The following KIAA1549 variants were observed in gnomAD, a reference collection of about 807,000 sequenced individuals.
KIAA1549 encodes KIAA1549.
KIAA1549 carries 70 observed loss-of-function variants against 156.4 expected under a neutral mutation model. The ratio of observed to expected loss-of-function variants is 0.45; its 90% confidence interval spans 0.37 to 0.55. The LOEUF is 0.55. Ranked by LOEUF, KIAA1549 falls within the 20% of genes least tolerant of loss-of-function variation. The pLI is 0.00. For synonymous variants in KIAA1549, 1,103 were observed against 1,066.4 expected, an observed-to-expected ratio of 1.03 and a Z score of -0.67; for missense variants, 2,428 against 2,540.9, an observed-to-expected ratio of 0.96 and a Z score of 0.96.
At position 138,836,715 on chromosome 7, in the gene KIAA1549, C is replaced by G; in HGVS notation, c.*1191G>C. 1 of 217,988 alleles carries G rather than the reference C, an allele frequency of 4.6e-6. No individual in the cohort carries two copies. The highest frequency in any genetic ancestry group is 9.2e-6 in the Non-Finnish European group (1 of 108,436). The allele number at this position is 217,988 out of a possible 1,614,324, so 13.5% of individuals were successfully genotyped here. A position where few individuals can be genotyped will look rare whatever the true frequency, so the allele number is the denominator to read the frequency against. ...GCATAAGACAATTTTAATAGCCACT[C>G]GACAGAGTAACAGCACAATAAAATC... is the stretch of plus-strand genomic sequence containing the variant. On this transcript the variant is annotated 3_prime_UTR_variant, in exon 20 of 20. Transcript: ENST00000422774.
chr7:138,968,531 C>G (rs1435622835), intron 1 of KIAA1549, among the ~76,000 whole-genome samples: 1 of 152,042 alleles, frequency 6.6e-6, no homozygotes, highest in Non-Finnish European at 1.5e-5. Context: ...TCTAGTACAT[C>G]CCAAGTATAA....
At chr7:138,949,452 T>C (rs1339316204) in intron 1 of KIAA1549, among the ~76,000 whole-genome samples, 1 of 149,832 alleles carries the variant, frequency 6.7e-6, no homozygotes, top group Admixed American at 6.6e-5. Context: ...AAAAAATCAG[T>C]ATTTTTTTAA....
In KIAA1549 at chr7:138,834,585, G is replaced by C. The variant is rs1809647457; in HGVS notation, c.*3321C>G. 1 of 231,300 alleles carries C rather than the reference G, an allele frequency of 4.3e-6. No individual in the cohort carries two copies. Among genetic ancestry groups the C allele is most frequent in the African/African-American group, 2.2e-5 (1 of 45,248 alleles). 14.3% of individuals were successfully genotyped at this position (231,300 alleles called of 1,614,324 possible). The stretch of plus-strand genomic sequence containing the variant: ...GTCTGCTGGGTTATTTGGTGCCAGA[G>C]ACACCAGAAAGTCGGGAGCAGAAAG... On this transcript the variant is annotated 3_prime_UTR_variant, in exon 20 of 20. Coordinates refer to ENST00000422774, the MANE Select transcript of KIAA1549 (RefSeq NM_001164665.2).
intron 9 of KIAA1549, among the ~76,000 whole-genome samples, chr7:138,898,003 T>C (rs1197486348): frequency 6.9e-6 from 1 of 144,932 alleles, no homozygotes; most frequent in Non-Finnish European, 1.5e-5. Flanking sequence ...CAATTTTAAA[T>C]ACTCAAAATC....
rs1339867881 is a variant in KIAA1549, at chr7:138,917,202, C to G, written c.2424G>C (p.Leu808=). 1.2e-6 allele frequency: 2 copies of G among 1,613,908 alleles called. No homozygotes were observed. The highest frequency in any genetic ancestry group is 3.3e-5 in the Admixed American group (2 of 60,018). ...CACTGATTTGGTCGTCAGGAGGTGT[C>G]AGAGTTGAGAACAAAGAAGACTCAG... ...ILTESSLFST[L]TPPDDQISAL... The change falls in exon 2 of 20, where the codon CTG becomes CTC. Residue 808 remains leucine, a synonymous_variant. Transcript: ENST00000422774.
rs560872337 is a variant in KIAA1549 at position 138,833,198 on chromosome 7, G to A, written c.*4708C>T. On this transcript the variant is annotated 3_prime_UTR_variant, in exon 20 of 20. Coordinates refer to ENST00000422774, the MANE Select transcript of KIAA1549 (RefSeq NM_001164665.2). ...GAGCTAAAGTTAGCGTGGGAGTTAA[G>A]ACCGGAGTCCTCCTTCCCCTGTGCC... The A allele has an allele frequency of 8.6e-6, 2 of 232,686 alleles. No individual in the cohort carries two copies. Among genetic ancestry groups the A allele is most frequent in the East Asian group, 1.2e-4 (2 of 16,504 alleles). The allele number at this position is 232,686 out of a possible 1,614,324, so 14.4% of individuals were successfully genotyped here.
intron 10 of KIAA1549, among the ~76,000 whole-genome samples, chr7:138,882,445 C>T (rs887161852): frequency 4.4e-4 from 67 of 152,146 alleles, no homozygotes; most frequent in African/African-American, 1.2e-3. Context: ...ATTTCAAACA[C>T]GCTTAATTTG....
intron 1 of KIAA1549, among the ~76,000 whole-genome samples, chr7:138,946,401 G>A (rs1395565583): frequency 1.3e-5 from 2 of 152,120 alleles, no homozygotes; most frequent in African/African-American, 2.4e-5. Flanking sequence ...CTACTGTCGT[G>A]GTACAATTAC....
chr7:138,955,009 C>A (rs1813619868), intron 1 of KIAA1549, among the ~76,000 whole-genome samples: 1 of 152,140 alleles, frequency 6.6e-6, no homozygotes, highest in African/African-American at 2.4e-5. Context: ...GATTAAGTCC[C>A]CGCACACACA....
intron 16 of KIAA1549, among the ~76,000 whole-genome samples, chr7:138,860,859 T>G (rs914436223): frequency 6.6e-6 from 1 of 152,192 alleles, no homozygotes; most frequent in Non-Finnish European, 1.5e-5. Context: ...AGGAAGATGC[T>G]TCCATAAAAT....
At chr7:138,873,457 G>A (rs1384656669) in intron 12 of KIAA1549, among the ~76,000 whole-genome samples, 1 of 152,160 alleles carries the variant, frequency 6.6e-6, no homozygotes, top group East Asian at 1.9e-4. Context: ...AGACAGGCTA[G>A]CCCTGCTTAA....
intron 1 of KIAA1549, among the ~76,000 whole-genome samples, chr7:138,943,800 G>T (rs1400007424): frequency 6.6e-6 from 1 of 151,746 alleles, no homozygotes; most frequent in African/African-American, 2.4e-5. Context: ...AGTGAGCTGA[G>T]ATCGCACCAC....
chr7:138,871,267 G>A lies in KIAA1549; in HGVS notation c.4441C>T (p.Arg1481Trp), dbSNP rs776449063. Residue 1481 changes from arginine (R) to tryptophan (W), a missense_variant, in exon 13 of 20, where the codon CGG becomes TGG. Around this residue, in one of 5 missense-constraint regions of KIAA1549, gnomAD observed 404 missense variants for 417.0 expected, o/e 0.97. Coordinates refer to ENST00000422774, the MANE Select transcript of KIAA1549 (RefSeq NM_001164665.2). ...ATAAGCTGGATCTTACTGGGGACCC[G>A]CCGGCTAGCCTCCGGGGGGCGGGAG... ...RISRPPEASR[R>W]VPSKIQLIAM... 366 of 1,611,336 alleles carry A rather than the reference G, an allele frequency of 2.3e-4. 1 individual carries two copies. Among genetic ancestry groups the A allele is most frequent in the Non-Finnish European group, 2.7e-4 (323 of 1,178,928 alleles).
At chr7:138,965,117 C>T (rs967910537) in intron 1 of KIAA1549, among the ~76,000 whole-genome samples, 3 of 151,820 alleles carry the variant, frequency 2.0e-5, no homozygotes, top group South Asian at 4.2e-4. Flanking sequence ...ATTACGGAGG[C>T]GGTTGCTAAT....
At chr7:138,854,985 A>G (rs1810342949) in intron 16 of KIAA1549, among the ~76,000 whole-genome samples, 1 of 152,192 alleles carries the variant, frequency 6.6e-6, no homozygotes, top group Admixed American at 6.5e-5. Context: ...GGGGGAAACA[A>G]ACAAACAAAA....
intron 15 of KIAA1549, among the ~76,000 whole-genome samples, chr7:138,866,887 C>T (rs759345084): frequency 2.0e-5 from 3 of 152,164 alleles, no homozygotes; most frequent in African/African-American, 7.2e-5. Flanking sequence ...ACTGCAGCCT[C>T]GACCTCCTGG....
intron 18 of KIAA1549, among the ~76,000 whole-genome samples, chr7:138,841,891 T>TCA (rs1563044859): frequency 1.2e-5 from 1 of 82,262 alleles, no homozygotes; most frequent in Non-Finnish European, 2.4e-5. Flanking sequence ...TCAACCACAT[T>TCA]TAAAAAAAAA....
At position 138,869,570 on chromosome 7, in the gene KIAA1549, G is replaced by A. The variant is rs372552870; in HGVS notation, c.4743C>T (p.Ser1581=). Residue 1581 remains serine (S), a synonymous_variant, in exon 14 of 20, where the codon AGC becomes AGT. Coordinates refer to ENST00000422774, the MANE Select transcript of KIAA1549 (RefSeq NM_001164665.2). ...TGGGCTCTATGAACACGGAGGGCAC[G>A]CTGGCCGTGGGGTCCAGGATCTTGT... The part of the protein sequence containing the change: ...QIDKILDPTA[S]VPSVFIEPRK... 5.5e-4 allele frequency: 871 copies of A among 1,587,212 alleles called. 1 individual carries two copies. The highest frequency in any genetic ancestry group is 6.6e-4 in the Non-Finnish European group (774 of 1,168,154).
intron 1 of KIAA1549, 42 bp from the exon 2 acceptor site, chr7:138,919,480 A>T: frequency 1.3e-6 from 2 of 1,577,298 alleles, no homozygotes; most frequent in South Asian, 1.2e-5. Context: ...ATGCATTGGA[A>T]GTCACACAGC....
Sources: allele counts gnomAD v4.1 joint callset (sites outside exome capture counted in the v4.1 genomes callset), GRCh38; gene constraint gnomAD v4.1.1; regional missense constraint gnomAD v4.1.1; transcripts MANE v1.5; gene names NCBI Gene and HGNC (gene_info 2026-07-23, HGNC 2026-07-21).